SYNDIG1L: variants seen among roughly 807,000 people sequenced by gnomAD.
SYNDIG1L encodes the protein synapse differentiation-inducing gene protein 1-like.
A neutral mutation model predicts 20.1 loss-of-function variants in SYNDIG1L; 13 were observed. The observed-to-expected ratio is 0.65, with a 90% confidence interval of 0.42 to 1.03. The LOEUF is 1.03. SYNDIG1L is among the 50% of genes least tolerant of loss of function. SYNDIG1L has a pLI of 0.00. For synonymous variants in SYNDIG1L, 128 were observed against 129.3 expected (o/e 0.99, Z 0.07); for missense variants, 294 against 305.1 (o/e 0.96, Z 0.27).
the SYNDIG1L span, among the ~76,000 whole-genome samples, chr14:74,444,695 G>A: frequency 2.0e-5 from 3 of 152,060 alleles, no homozygotes; most frequent in Admixed American, 6.5e-5. Flanking sequence ...AGATTGCAGC[G>A]AGTCAAGATT....
At chr14:74,450,077 A>G in the SYNDIG1L span, among the ~76,000 whole-genome samples, 3 of 152,184 alleles carry the variant, frequency 2.0e-5, no homozygotes, top group Non-Finnish European at 1.5e-5. Flanking sequence ...TAGTAAAGAA[A>G]TACTCTGAAT....
the SYNDIG1L span, chr14:74,476,159 C>G: frequency 2.1e-6 from 1 of 471,406 alleles, no homozygotes; most frequent in African/African-American, 2.0e-5. Flanking sequence ...TTTGCAGTAT[C>G]CCCCTTTGTG....
At chr14:74,435,865 G>A in the SYNDIG1L span, among the ~76,000 whole-genome samples, 1 of 152,184 alleles carries the variant, frequency 6.6e-6, no homozygotes, top group African/African-American at 2.4e-5. Flanking sequence ...GCCGTCAGGA[G>A]TTCCTCCTTG....
upstream of SYNDIG1L, among the ~76,000 whole-genome samples, chr14:74,428,653 C>G (rs770913237): frequency 4.9e-4 from 75 of 152,092 alleles, no homozygotes; most frequent in Non-Finnish European, 4.4e-4. Flanking sequence ...TGGAGAAGGT[C>G]TGAGTTTTAT....
chr14:74,428,521 C>T (rs1048519411), upstream of SYNDIG1L, among the ~76,000 whole-genome samples: 3 of 152,178 alleles, frequency 2.0e-5, no homozygotes, highest in African/African-American at 7.2e-5. Context: ...GAAGGGGATG[C>T]GGTCCATAGA....
At chr14:74,429,161 T>C (rs1469577430), upstream of SYNDIG1L, among the ~76,000 whole-genome samples, 1 of 152,224 alleles carries the variant, frequency 6.6e-6, no homozygotes, top group Non-Finnish European at 1.5e-5. Flanking sequence ...GAGAGCTGAC[T>C]GGGGCAGAGC....
At chr14:74,421,707 G>A (rs555544858) in intron 1 of SYNDIG1L, among the ~76,000 whole-genome samples, 8 of 152,270 alleles carry the variant, frequency 5.3e-5, no homozygotes, top group African/African-American at 4.8e-5. Context: ...TGTTCAGGGC[G>A]GGAAAGAGAT....
rs1434162835 is a variant in SYNDIG1L at position 74,406,412 on chromosome 14, G to A, written c.*1123C>T. ...CAGGCAGAATCCAAACAGCCTGGAA[G>A]CTTCCCATGGAAGGTTCCTGCCACA... On this transcript the variant is annotated 3_prime_UTR_variant, in exon 4 of 4. Transcript: ENST00000331628. The A allele has an allele frequency of 8.2e-6, 2 of 243,838 alleles. No homozygotes were observed. The allele number at this position is 243,838 out of a possible 1,614,324, so 15.1% of individuals were successfully genotyped here.
the SYNDIG1L span, among the ~76,000 whole-genome samples, chr14:74,439,038 C>A: frequency 3.4e-5 from 5 of 147,938 alleles, no homozygotes; most frequent in East Asian, 1.0e-3. Flanking sequence ...CACTTGAACC[C>A]GGGAGGCAGA....
the SYNDIG1L span, among the ~76,000 whole-genome samples, chr14:74,444,166 C>A: frequency 6.6e-6 from 1 of 151,968 alleles, no homozygotes; most frequent in Non-Finnish European, 1.5e-5. Context: ...CTCCCGGATT[C>A]AAGAGGCCTC....
chr14:74,455,462 C>A, the SYNDIG1L span, among the ~76,000 whole-genome samples: 1 of 145,688 alleles, frequency 6.9e-6, no homozygotes, highest in East Asian at 2.0e-4. Flanking sequence ...GTGGTGCGAT[C>A]TTGGCTCACT....
chr14:74,477,072 A>G, the SYNDIG1L span, among the ~76,000 whole-genome samples: 23 of 60,600 alleles, frequency 3.8e-4, no homozygotes, highest in Admixed American at 6.6e-4. Flanking sequence ...ACACACACAC[A>G]CACACACACA....
intron 1 of SYNDIG1L, among the ~76,000 whole-genome samples, chr14:74,417,130 A>T (rs1396773348): frequency 2.0e-5 from 3 of 152,332 alleles, no homozygotes; most frequent in African/African-American, 7.2e-5. Context: ...GGGTTTAGAG[A>T]AATTAAATCG....
chr14:74,417,115 A>G (rs2086182490), intron 1 of SYNDIG1L, among the ~76,000 whole-genome samples: 1 of 152,242 alleles, frequency 6.6e-6, no homozygotes, highest in Admixed American at 6.5e-5. Flanking sequence ...CATGTGGGGA[A>G]ACTGGGGTTT....
At chr14:74,438,957 A>G in the SYNDIG1L span, among the ~76,000 whole-genome samples, 1 of 152,202 alleles carries the variant, frequency 6.6e-6, no homozygotes, top group Non-Finnish European at 1.5e-5. Context: ...TACTAAAAAT[A>G]CAAAAAATTA....
the SYNDIG1L span, among the ~76,000 whole-genome samples, chr14:74,466,323 A>G: frequency 5.3e-5 from 8 of 152,188 alleles, no homozygotes; most frequent in Admixed American, 3.9e-4. Flanking sequence ...ACAGAACTCC[A>G]TGGATACTGG....
the SYNDIG1L span, among the ~76,000 whole-genome samples, chr14:74,446,868 C>T: frequency 6.6e-6 from 1 of 152,132 alleles, no homozygotes; most frequent in East Asian, 1.9e-4. Context: ...CTGCCTGCCT[C>T]ATCCTCCCAA....
the SYNDIG1L span, among the ~76,000 whole-genome samples, chr14:74,438,263 C>A: frequency 1.3e-5 from 2 of 152,150 alleles, no homozygotes; most frequent in African/African-American, 4.8e-5. Context: ...TTAATGAGTT[C>A]TCCTTAGGCT....
Position 74,408,269 on chromosome 14 carries a change from AAC to A in SYNDIG1L, c.418-282_418-281del, listed in dbSNP as rs375996382. 9.4e-4 allele frequency among the ~76,000 whole-genome samples: 143 copies of A among 152,280 alleles called. 1 individual carries two copies. Among genetic ancestry groups the A allele is most frequent in the African/African-American group, 3.2e-3 (134 of 41,544 alleles). ...AGGATAGCAATTGTGAAAGAAGAGA[AAC>A]ACTCTCAATGGGCCAGTCACAGCGG... is the stretch of plus-strand genomic sequence containing the variant. On this transcript the variant is annotated intron_variant, in intron 2 of 3. Coordinates refer to ENST00000331628, the MANE Select transcript of SYNDIG1L (RefSeq NM_001105579.2).
Sources: allele counts gnomAD v4.1 joint callset (sites outside exome capture counted in the v4.1 genomes callset), GRCh38; gene constraint gnomAD v4.1.1; transcripts MANE v1.5; gene names NCBI Gene and HGNC (gene_info 2026-07-23, HGNC 2026-07-21).